BABAM2: variants seen among roughly 807,000 people sequenced by gnomAD.
The protein encoded by BABAM2 is BRISC and BRCA1-A complex member 2.
In BABAM2, 31 loss-of-function variants were observed where a neutral mutation model predicts 54.7. That is an observed-to-expected ratio of 0.57 (90% CI 0.43 to 0.77). The LOEUF (loss-of-function observed/expected upper bound fraction) is 0.77, where lower values mean the gene tolerates loss of function less well. Ranked by LOEUF, BABAM2 falls within the 30% of genes least tolerant of loss-of-function variation. The pLI, the probability that BABAM2 is intolerant of heterozygous loss-of-function variation, is 0.00. For missense variants in BABAM2, 364 were observed against 455.8 expected, an observed-to-expected ratio of 0.80 and a Z score of 1.83; for synonymous variants, 167 against 162.9, an observed-to-expected ratio of 1.03 and a Z score of -0.19.
chr2:27,936,861 A>G (rs887469119), intron 3 of BABAM2, among the ~76,000 whole-genome samples: 1 of 152,140 alleles, frequency 6.6e-6, no homozygotes, highest in African/African-American at 2.4e-5. Context: ...TGACGAGTTA[A>G]TGGGTGCAGC....
chr2:28,308,388 A>G (rs999751346), intron 11 of BABAM2: 2 of 505,310 alleles, frequency 4.0e-6, no homozygotes, highest in African/African-American at 1.9e-5. Context: ...ATAATTCATC[A>G]TCAGGTTCCC....
At chr2:27,906,017 A>T (rs967717350) in intron 2 of BABAM2, among the ~76,000 whole-genome samples, 6 of 152,214 alleles carry the variant, frequency 3.9e-5, no homozygotes, top group African/African-American at 1.2e-4. Flanking sequence ...TCTTGAGCGG[A>T]TACATGCAAC....
intron 4 of BABAM2, among the ~76,000 whole-genome samples, chr2:27,998,223 T>C (rs1290489188): frequency 2.0e-5 from 3 of 152,100 alleles, no homozygotes; most frequent in Non-Finnish European, 4.4e-5. Flanking sequence ...CTTTGGTTGG[T>C]CGTCTCTCGT....
intron 10 of BABAM2, among the ~76,000 whole-genome samples, chr2:28,263,987 G>A (rs879701237): frequency 6.6e-6 from 1 of 152,224 alleles, no homozygotes; most frequent in Non-Finnish European, 1.5e-5. Context: ...GAATCCGTCA[G>A]TGTGATTGAG....
intron 6 of BABAM2, among the ~76,000 whole-genome samples, chr2:28,084,899 G>C (rs1261128664): frequency 5.3e-5 from 8 of 152,098 alleles, no homozygotes; most frequent in Non-Finnish European, 1.2e-4. Flanking sequence ...TTAAAAGATA[G>C]AATGTGTATT....
chr2:28,169,355 A>G (rs1674063654), intron 7 of BABAM2, among the ~76,000 whole-genome samples: 2 of 152,226 alleles, frequency 1.3e-5, no homozygotes, highest in African/African-American at 2.4e-5. Context: ...AAAACCTTTA[A>G]TACTTTCATA....
chr2:28,236,344 C>A (rs896431281), intron 7 of BABAM2, among the ~76,000 whole-genome samples: 1 of 144,278 alleles, frequency 6.9e-6, no homozygotes, highest in African/African-American at 2.5e-5. Flanking sequence ...AAAAGAATTT[C>A]TTTTTTTTTT....
intron 5 of BABAM2, among the ~76,000 whole-genome samples, chr2:28,041,894 GAGTT>G (rs1390413259): frequency 6.6e-6 from 1 of 152,204 alleles, no homozygotes; most frequent in Non-Finnish European, 1.5e-5. Context: ...AGGGCTGACA[GAGTT>G]AGGGGCAATT....
chr2:28,083,504 AT>A (rs1198757218), intron 6 of BABAM2, among the ~76,000 whole-genome samples: 2 of 152,194 alleles, frequency 1.3e-5, no homozygotes, highest in East Asian at 3.8e-4. Flanking sequence ...GTAGTTATCA[AT>A]TCTTCAGCAC....
intron 6 of BABAM2, among the ~76,000 whole-genome samples, chr2:28,057,822 G>A (rs560146441): frequency 3.9e-5 from 6 of 152,214 alleles, no homozygotes; most frequent in African/African-American, 1.4e-4. Flanking sequence ...CATTTGGAAC[G>A]GCCTTGAAAG....
rs568333132 is a variant in BABAM2 at position 28,107,350 on chromosome 2, A to G, written c.571-21921A>G. On this transcript the variant is annotated intron_variant, in intron 6 of 11. Coordinates refer to ENST00000379624, the MANE Select transcript of BABAM2 (RefSeq NM_199191.3). ...TGATTATGTCATTACTCACTTTGTA[A>G]TCCCTTTCCACATTGCCCTTAAAAT... 7.9e-5 allele frequency among the ~76,000 whole-genome samples: 12 copies of G among 152,312 alleles called. No homozygotes were observed. The East Asian group carries it at 2.3e-3, about 29-fold the overall frequency.
intron 7 of BABAM2, among the ~76,000 whole-genome samples, chr2:28,179,466 T>C (rs1296565425): frequency 6.6e-6 from 1 of 152,120 alleles, no homozygotes; most frequent in African/African-American, 2.4e-5. Context: ...CAACCAGGCA[T>C]TGCAAGAACA....
At chr2:27,970,880 G>A (rs1671161828) in intron 3 of BABAM2, among the ~76,000 whole-genome samples, 1 of 151,870 alleles carries the variant, frequency 6.6e-6, no homozygotes. Flanking sequence ...GAAGAGTCTG[G>A]GGCTGTTGTT....
intron 7 of BABAM2, among the ~76,000 whole-genome samples, chr2:28,153,218 A>G (rs896799652): frequency 3.9e-5 from 6 of 152,212 alleles, no homozygotes; most frequent in African/African-American, 1.2e-4. Flanking sequence ...AAGCTTATTC[A>G]TAAATGGCTT....
intron 4 of BABAM2, among the ~76,000 whole-genome samples, chr2:28,013,816 G>A (rs1573391273): frequency 6.6e-6 from 1 of 151,688 alleles, no homozygotes; most frequent in East Asian, 1.9e-4. Context: ...AGATAAAGGA[G>A]GGGCAGAACC....
rs140978665 is a variant in BABAM2 at position 28,291,832 on chromosome 2, A to C, written c.935-6506A>C. Among the ~76,000 whole-genome samples the C allele has an allele frequency of 1.1e-4, 17 of 152,368 alleles. No individual in the cohort carries two copies. The East Asian group carries it at 3.3e-3, about 29-fold the overall frequency. On this transcript the variant is annotated intron_variant, in intron 10 of 11. Transcript: ENST00000379624. ...TTTGGATATGTAGTGTTAATTTTCC[A>C]GTGGTTGGAATCCACATGTCTCAAA... is the stretch of plus-strand genomic sequence containing the variant.
At chr2:27,918,420 C>G (rs902659454) in intron 2 of BABAM2, among the ~76,000 whole-genome samples, 1 of 151,888 alleles carries the variant, frequency 6.6e-6, no homozygotes, top group Admixed American at 6.6e-5. Context: ...AATTTCCTTC[C>G]TTTTTAAGGC....
intron 5 of BABAM2, among the ~76,000 whole-genome samples, chr2:28,038,275 C>T (rs1020848039): frequency 6.6e-5 from 10 of 152,156 alleles, no homozygotes; most frequent in Admixed American, 3.3e-4. Context: ...AAAAAATTCC[C>T]TCCAAGTAAT....
chr2:28,327,478 C>T, intron 11 of BABAM2: 1 of 1,526,518 alleles, frequency 6.6e-7, no homozygotes, highest in Non-Finnish European at 8.8e-7. Context: ...TGTGATTTAG[C>T]AGGAACCAGA....
Sources: gnomAD v4.1 joint callset for allele counts (sites outside exome capture counted in the v4.1 genomes callset) on GRCh38, gnomAD v4.1.1 for gene constraint, MANE v1.5 for transcripts, NCBI Gene and HGNC (gene_info 2026-07-23, HGNC 2026-07-21) for gene names.